The following EEF1AKMT2 variants were observed in gnomAD, a reference collection of about 807,000 sequenced individuals.
The protein encoded by EEF1AKMT2 is eukaryotic translation elongation factor 1 alpha lysine methyltransferase 2.
Under a neutral mutation model 35.8 loss-of-function variants are expected in EEF1AKMT2, and 32 were observed. The ratio of observed to expected loss-of-function variants is 0.89; its 90% CI spans 0.67 to 1.20. The LOEUF is 1.20. Ranked by LOEUF, EEF1AKMT2 falls within the 50% of genes most tolerant of loss-of-function variation. EEF1AKMT2 has a pLI of 0.00. For missense variants in EEF1AKMT2, 330 were observed against 347.5 expected (o/e 0.95, Z 0.40); for synonymous variants, 121 against 133.7 (o/e 0.91, Z 0.65).
At chr10:124,790,638 G>A (rs1950626261) in intron 1 of EEF1AKMT2, among the ~76,000 whole-genome samples, 2 of 152,196 alleles carry the variant, frequency 1.3e-5, no homozygotes, top group Admixed American at 1.3e-4. Context: ...CTAAGTCCCT[G>A]ACCCAAGTTC....
At position 124,791,855 on chromosome 10, in the gene EEF1AKMT2, C is replaced by T. The variant is rs760613656; in HGVS notation, c.-22G>A. 5.2e-6 allele frequency: 8 copies of T among 1,544,922 alleles called. No individual in the cohort carries two copies. In the East Asian group the frequency reaches 1.7e-4, roughly 33 times the overall value. ...TCATTTCGCTCCACGTCCTGGACGG[C>T]CGTTGGGGCCGCCATAGAGACGGGG... On this transcript the variant is annotated 5_prime_UTR_variant, in exon 1 of 7. Coordinates refer to ENST00000368836, the MANE Select transcript of EEF1AKMT2 (RefSeq NM_212554.4).
rs1244709535 is a variant in EEF1AKMT2, at chr10:124,759,536, C to T, written c.*967G>A. On this transcript the variant is annotated 3_prime_UTR_variant, in exon 7 of 7. Coordinates refer to ENST00000368836, the MANE Select transcript of EEF1AKMT2 (RefSeq NM_212554.4). Reference sequence around the variant, plus strand: ...ATGCTACAAAGGCAAAGACTAAGCACCTGTGAGGCAGAATATGCTAGGAGA... The same window carrying T: ...ATGCTACAAAGGCAAAGACTAAGCATCTGTGAGGCAGAATATGCTAGGAGA... 1 of 152,174 alleles carries T rather than the reference C, an allele frequency of 6.6e-6. No homozygotes were observed. The highest frequency in any genetic ancestry group is 2.4e-5 in the African/African-American group (1 of 41,426). The allele number at this position is 152,174 out of a possible 1,614,324, so 9.4% of individuals were successfully genotyped here.
At chr10:124,790,750 T>G (rs1267654003) in intron 1 of EEF1AKMT2, among the ~76,000 whole-genome samples, 1 of 152,106 alleles carries the variant, frequency 6.6e-6, no homozygotes, top group Non-Finnish European at 1.5e-5. Flanking sequence ...AGCCCTCCGT[T>G]TAAATTTTCT....
chr10:124,789,594 C>CA (rs1950616806), intron 2 of EEF1AKMT2, among the ~76,000 whole-genome samples: 2 of 151,776 alleles, frequency 1.3e-5, no homozygotes, highest in African/African-American at 4.8e-5. Flanking sequence ...CCTGTCTCTA[C>CA]AAAAAAGAAA....
rs1950299555 is a variant in EEF1AKMT2 at position 124,757,967 on chromosome 10, A to G, written c.*2536T>C. On this transcript the variant is annotated 3_prime_UTR_variant, in exon 7 of 7. Transcript: ENST00000368836. ...AAACAAAATGTACTGAAAACTTTGT[A>G]TTTGTTAATTGGGATAACCCACCCA... 1.3e-5 allele frequency: 2 copies of G among 152,226 alleles called. No homozygotes were observed. 9.4% of individuals were successfully genotyped at this position (152,226 alleles called of 1,614,324 possible).
chr10:124,776,313 G>C (rs193035546), intron 3 of EEF1AKMT2, among the ~76,000 whole-genome samples: 3 of 152,118 alleles, frequency 2.0e-5, no homozygotes, highest in African/African-American at 7.2e-5. Context: ...TCAATTTCTG[G>C]CACCCAAAAA....
At chr10:124,775,343 C>A (rs923758813) in intron 3 of EEF1AKMT2, among the ~76,000 whole-genome samples, 5 of 152,126 alleles carry the variant, frequency 3.3e-5, no homozygotes, top group Non-Finnish European at 5.9e-5. Context: ...GTAGGGTGGG[C>A]AGGTATCAGT....
intron 5 of EEF1AKMT2, among the ~76,000 whole-genome samples, chr10:124,764,794 C>G (rs181883507): frequency 6.6e-6 from 1 of 152,324 alleles, no homozygotes; most frequent in African/African-American, 2.4e-5. Flanking sequence ...GCCAGTAAAT[C>G]AGTGCACTGA....
At chr10:124,763,288 C>T (rs566341084) in intron 5 of EEF1AKMT2, among the ~76,000 whole-genome samples, 4 of 152,156 alleles carry the variant, frequency 2.6e-5, no homozygotes, top group African/African-American at 9.6e-5. Flanking sequence ...AATTATAACA[C>T]AAAGTATTTG....
chr10:124,769,200 A>G (rs865933147), intron 4 of EEF1AKMT2, among the ~76,000 whole-genome samples: 2 of 109,616 alleles, frequency 1.8e-5, no homozygotes, highest in African/African-American at 3.2e-5. Context: ...CCTGGGCTAC[A>G]GGGCAAGACA....
intron 3 of EEF1AKMT2, chr10:124,783,098 T>C (rs1589791802): frequency 1.3e-5 from 3 of 226,642 alleles, no homozygotes; most frequent in Non-Finnish European, 9.0e-6. Flanking sequence ...ATTTAAAAGA[T>C]AGATAATAAA....
At chr10:124,767,580 TA>T (rs952113610) in intron 4 of EEF1AKMT2, among the ~76,000 whole-genome samples, 1 of 142,556 alleles carries the variant, frequency 7.0e-6, no homozygotes, top group Non-Finnish European at 1.6e-5. Flanking sequence ...AAGAGAAAGA[TA>T]AAAGATAAAT....
chr10:124,771,290 G>A (rs984833365), intron 4 of EEF1AKMT2, among the ~76,000 whole-genome samples: 16 of 151,550 alleles, frequency 1.1e-4, no homozygotes, highest in African/African-American at 3.6e-4. Flanking sequence ...TAGTAGAGAT[G>A]GGGTTTCACC....
chr10:124,784,425 T>C (rs1468413129), intron 3 of EEF1AKMT2, among the ~76,000 whole-genome samples: 1 of 151,776 alleles, frequency 6.6e-6, no homozygotes, highest in African/African-American at 2.4e-5. Flanking sequence ...AAAATTCAAG[T>C]GAGGTGTAGA....
chr10:124,781,316 C>T (rs375699467), intron 3 of EEF1AKMT2, among the ~76,000 whole-genome samples: 22 of 151,888 alleles, frequency 1.4e-4, no homozygotes, highest in South Asian at 8.3e-4. Context: ...CGGTGGCTCA[C>T]GCCTGTTATC....
intron 3 of EEF1AKMT2, among the ~76,000 whole-genome samples, chr10:124,785,674 AC>A (rs767860188): frequency 3.9e-5 from 6 of 152,020 alleles, no homozygotes; most frequent in Admixed American, 6.6e-5. Context: ...TGGGTAGATC[AC>A]CTGAGGTCAG....
chr10:124,774,894 T>A, intron 3 of EEF1AKMT2, 112 bp from the exon 4 acceptor site: 1 of 441,604 alleles, frequency 2.3e-6, no homozygotes, highest in Non-Finnish European at 3.8e-6. Flanking sequence ...GTAGAGAAAA[T>A]GACATATAAT....
chr10:124,776,716 AC>A (rs1242998034), intron 3 of EEF1AKMT2, among the ~76,000 whole-genome samples: 4 of 151,656 alleles, frequency 2.6e-5, no homozygotes, highest in Non-Finnish European at 5.9e-5. Context: ...AATTGCTTGA[AC>A]CCGGGAGGTG....
chr10:124,789,583 C>T lies in EEF1AKMT2; in HGVS notation c.177-426G>A, dbSNP rs1950616710. On this transcript the variant is annotated intron_variant, in intron 2 of 6. Coordinates refer to ENST00000368836, the MANE Select transcript of EEF1AKMT2 (RefSeq NM_212554.4). Reference sequence around the variant, plus strand: ...GACCACCCTGGGTAACACAGTGAGACCCTGTCTCTACAAAAAAGAAAATTT... The same window carrying T: ...GACCACCCTGGGTAACACAGTGAGATCCTGTCTCTACAAAAAAGAAAATTT... Among the ~76,000 whole-genome samples, 2 of 151,918 alleles carry T rather than the reference C, an allele frequency of 1.3e-5. 1 individual carries two copies. Among genetic ancestry groups the T allele is most frequent in the South Asian group, 4.1e-4 (2 of 4,820 alleles).
Sources: allele counts gnomAD v4.1 joint callset (sites outside exome capture counted in the v4.1 genomes callset), GRCh38; gene constraint gnomAD v4.1.1; transcripts MANE v1.5; gene names NCBI Gene and HGNC (gene_info 2026-07-23, HGNC 2026-07-21).